CENPC: variants seen among roughly 807,000 people sequenced by gnomAD.
CENPC encodes the protein centromere protein C, also known as CENP-C 1.
Under a neutral mutation model 112.1 loss-of-function variants are expected in CENPC, and 63 were observed. The ratio of observed to expected loss-of-function variants is 0.56; its 90% CI spans 0.46 to 0.69. The LOEUF is 0.69. CENPC is among the 30% of genes least tolerant of loss of function. The probability of loss-of-function intolerance (pLI) is 0.00; values close to 1 mark genes in which losing one functional copy is unlikely to be tolerated. For missense variants in CENPC, 1,000 were observed against 1,103.8 expected (o/e 0.91, Z 1.33); for synonymous variants, 333 against 367.6 (o/e 0.91, Z 1.08).
Position 67,470,583 on chromosome 4 carries a change from A to AAAAAAAAAAAG in CENPC, c.*2021_*2022insCTTTTTTTTTT, listed in dbSNP as rs58690134. 0.47 allele frequency: 49,794 copies of AAAAAAAAAAAG among 105,788 alleles called. 11,911 individuals are homozygous for AAAAAAAAAAAG. Among genetic ancestry groups the AAAAAAAAAAAG allele is most frequent in the East Asian group, 0.69 (2,263 of 3,290 alleles). 6.6% of individuals were successfully genotyped at this position (105,788 alleles called of 1,614,324 possible). On this transcript the variant is annotated 3_prime_UTR_variant, in exon 19 of 19. Transcript: ENST00000273853. ...GTGAAACTCTGCCTCAAAAAAAAAA[A>AAAAAAAAAAAG]AAAAGAAAAGAAAAGAAAAAAGAAA... is the stretch of plus-strand genomic sequence containing the variant.
At chr4:67,505,340 GT>G in intron 11 of CENPC, 56 bp from the exon 12 acceptor site, 2 of 1,020,732 alleles carry the variant, frequency 2.0e-6, no homozygotes, top group South Asian at 1.5e-5. Context: ...TATATCTAAT[GT>G]ATTTGCCTTA....
chr4:67,485,008 G>A (rs2109768742), intron 17 of CENPC, among the ~76,000 whole-genome samples: 1 of 152,248 alleles, frequency 6.6e-6, no homozygotes, highest in East Asian at 1.9e-4. Flanking sequence ...CAGGAGAATG[G>A]CGTGAACCTG....
chr4:67,529,261 C>A (rs551556568), intron 5 of CENPC, among the ~76,000 whole-genome samples: 16 of 152,194 alleles, frequency 1.1e-4, no homozygotes, highest in African/African-American at 3.6e-4. Flanking sequence ...AAATTATTTG[C>A]AAATATTTTC....
intron 7 of CENPC, among the ~76,000 whole-genome samples, chr4:67,517,887 GAT>G: frequency 6.6e-6 from 1 of 152,184 alleles, no homozygotes; most frequent in Middle Eastern, 3.4e-3. Context: ...TTCAGTCTTT[GAT>G]ATCACACAGA....
chr4:67,493,082 C>T (rs1163054198), intron 14 of CENPC, 85 bp from the exon 15 acceptor site: 1 of 1,109,758 alleles, frequency 9.0e-7, no homozygotes, highest in Non-Finnish European at 1.3e-6. Context: ...TGGCACATTT[C>T]CTTTCAAAGT....
intron 5 of CENPC, among the ~76,000 whole-genome samples, chr4:67,519,765 G>A (rs1726170240): frequency 6.6e-6 from 1 of 152,060 alleles, no homozygotes; most frequent in Non-Finnish European, 1.5e-5. Flanking sequence ...CAGATATAGA[G>A]AGATACAACA....
intron 5 of CENPC, among the ~76,000 whole-genome samples, chr4:67,524,536 A>G (rs1224854835): frequency 6.6e-6 from 1 of 152,186 alleles, no homozygotes; most frequent in Non-Finnish European, 1.5e-5. Context: ...CTATACACCA[A>G]TAACAGACAA....
chr4:67,475,914 T>C (rs910715911), intron 17 of CENPC, among the ~76,000 whole-genome samples: 8 of 152,152 alleles, frequency 5.3e-5, no homozygotes, highest in African/African-American at 1.9e-4. Context: ...ATTAAATTTG[T>C]GATACAGTCA....
intron 17 of CENPC, among the ~76,000 whole-genome samples, chr4:67,489,494 GT>G (rs1279338170): frequency 6.6e-6 from 1 of 151,848 alleles, no homozygotes; most frequent in Non-Finnish European, 1.5e-5. Flanking sequence ...TCAGGTTACT[GT>G]TTTATTGATA....
At chr4:67,531,674 A>G (rs1439639833) in intron 4 of CENPC, among the ~76,000 whole-genome samples, 1 of 152,162 alleles carries the variant, frequency 6.6e-6, no homozygotes, top group Non-Finnish European at 1.5e-5. Context: ...TGAGGAGAAA[A>G]AATGTACACA....
intron 4 of CENPC, among the ~76,000 whole-genome samples, chr4:67,533,786 C>T (rs1259685691): frequency 2.0e-5 from 3 of 152,172 alleles, no homozygotes; most frequent in African/African-American, 7.2e-5. Flanking sequence ...ACCTGTAATC[C>T]CAGCACTTTG....
chr4:67,487,641 T>C (rs1045654929), intron 17 of CENPC, among the ~76,000 whole-genome samples: 3 of 151,650 alleles, frequency 2.0e-5, no homozygotes, highest in South Asian at 2.1e-4. Context: ...CCATTTTTCA[T>C]TGGGTTTTTT....
intron 7 of CENPC, among the ~76,000 whole-genome samples, chr4:67,517,774 T>G (rs775580584): frequency 1.3e-5 from 2 of 151,824 alleles, no homozygotes; most frequent in Non-Finnish European, 2.9e-5. Flanking sequence ...GAGGGAGAGG[T>G]TGCAATGAGC....
intron 17 of CENPC, among the ~76,000 whole-genome samples, chr4:67,485,749 C>A (rs955830324): frequency 1.3e-5 from 2 of 152,138 alleles, no homozygotes; most frequent in Non-Finnish European, 2.9e-5. Context: ...TTACTCTATA[C>A]CAAGCAGTAT....
chr4:67,483,990 T>C (rs1725022005), intron 17 of CENPC, among the ~76,000 whole-genome samples: 1 of 152,204 alleles, frequency 6.6e-6, no homozygotes, highest in African/African-American at 2.4e-5. Flanking sequence ...GGCCTAAGTC[T>C]ACAGTATTTA....
At chr4:67,477,879 T>C (rs1315983322) in intron 17 of CENPC, among the ~76,000 whole-genome samples, 2 of 151,642 alleles carry the variant, frequency 1.3e-5, no homozygotes, top group African/African-American at 4.8e-5. Context: ...CTTCCAGAAA[T>C]GAAAGGCATA....
chr4:67,477,330 C>T (rs1279207870), intron 17 of CENPC, among the ~76,000 whole-genome samples: 1 of 152,212 alleles, frequency 6.6e-6, no homozygotes, highest in African/African-American at 2.4e-5. Flanking sequence ...ACTGGAGCAG[C>T]TGCTGAGATC....
At chr4:67,489,561 T>C (rs562706865) in intron 17 of CENPC, among the ~76,000 whole-genome samples, 44 of 152,220 alleles carry the variant, frequency 2.9e-4, no homozygotes, top group Non-Finnish European at 5.7e-4. Flanking sequence ...CAATGCATAA[T>C]GATCAAATCA....
chr4:67,518,460 C>T (rs1726124476), intron 6 of CENPC, 92 bp from the exon 7 acceptor site: 2 of 1,277,694 alleles, frequency 1.6e-6, no homozygotes, highest in Non-Finnish European at 2.0e-6. Context: ...ACAATACAGA[C>T]CAATTTAAAA....
Sources: gnomAD v4.1 joint callset for allele counts (sites outside exome capture counted in the v4.1 genomes callset) on GRCh38, gnomAD v4.1.1 for gene constraint, MANE v1.5 for transcripts, NCBI Gene and HGNC (gene_info 2026-07-23, HGNC 2026-07-21) for gene names.